The following FBXL2 variants were observed in gnomAD, a reference collection of about 807,000 sequenced individuals.
The protein encoded by FBXL2 is F-box and leucine rich repeat protein 2, also known as F-box/LRR-repeat protein 2.
A neutral mutation model predicts 69.2 loss-of-function variants in FBXL2; 38 were observed. That is an observed-to-expected ratio of 0.55 (90% CI 0.42 to 0.72). FBXL2 has a LOEUF of 0.72. Among genes scored for constraint, FBXL2 ranks in the 30% least tolerant of loss-of-function variants. FBXL2 has a pLI of 0.00. For synonymous variants in FBXL2, 192 were observed against 201.3 expected (o/e 0.95, Z 0.39); for missense variants, 354 against 520.3 (o/e 0.68, Z 3.11).
intron 14 of FBXL2, among the ~76,000 whole-genome samples, chr3:33,384,435 C>T (rs1454378552): frequency 1.3e-5 from 2 of 152,092 alleles, no homozygotes; most frequent in Non-Finnish European, 2.9e-5. Flanking sequence ...GTGGTGGGCA[C>T]CTGTAATCCC....
intron 13 of FBXL2, among the ~76,000 whole-genome samples, chr3:33,380,419 A>G (rs928701950): frequency 6.6e-5 from 10 of 151,164 alleles, no homozygotes; most frequent in Admixed American, 2.6e-4. Context: ...TTAGCCAGGC[A>G]TGGTGGCACA....
chr3:33,324,517 A>G (rs1049874536), intron 2 of FBXL2, among the ~76,000 whole-genome samples: 2 of 152,226 alleles, frequency 1.3e-5, no homozygotes, highest in African/African-American at 2.4e-5. Flanking sequence ...AGTTTTCTGC[A>G]TATGGCTAGC....
chr3:33,309,152 G>T (rs2036967483), intron 2 of FBXL2, among the ~76,000 whole-genome samples: 1 of 152,096 alleles, frequency 6.6e-6, no homozygotes, highest in South Asian at 2.1e-4. Flanking sequence ...TAGATAATGT[G>T]CCATTGCTGA....
Position 33,377,289 on chromosome 3 carries a change from C to T in FBXL2, c.805C>T (p.Arg269Ter), listed in dbSNP as rs2042703258. Reference sequence around the variant, plus strand: ...TCTCCTCAGAATTTTGGAGGCTGCCCGATGCTCCCATTTGACTGACGCAGG... The same window carrying T: ...TCTCCTCAGAATTTTGGAGGCTGCCTGATGCTCCCATTTGACTGACGCAGG... The part of the protein sequence containing the change: ...CPRLQILEAA[R>*]CSHLTDAGFT... The change falls in exon 11 of 15, where the codon CGA becomes TGA. Residue 269 changes from arginine (R) to a stop codon, truncating the protein, a stop_gained. Coordinates refer to ENST00000484457, the MANE Select transcript of FBXL2 (RefSeq NM_012157.5). LOFTEE classifies it high-confidence loss of function. 5 of 1,614,024 alleles carry T rather than the reference C, an allele frequency of 3.1e-6. No homozygotes were observed. Among genetic ancestry groups the T allele is most frequent in the Admixed American group, 3.3e-5 (2 of 59,994 alleles).
chr3:33,365,154 G>A (rs554317964), intron 5 of FBXL2, among the ~76,000 whole-genome samples: 86 of 151,918 alleles, frequency 5.7e-4, no homozygotes, highest in Admixed American at 1.2e-3. Context: ...AATTTCCTTG[G>A]CATAAGCTAG....
In FBXL2 at chr3:33,385,843, A is replaced by G. The variant is rs2043396030; in HGVS notation, c.*235A>G. 1 of 541,702 alleles carries G rather than the reference A, an allele frequency of 1.8e-6. No homozygotes were observed. The highest frequency in any genetic ancestry group is 3.3e-6 in the Non-Finnish European group (1 of 300,974). 33.6% of individuals were successfully genotyped at this position (541,702 alleles called of 1,614,324 possible). A position where few individuals can be genotyped will look rare whatever the true frequency, so the allele number is the denominator to read the frequency against. On this transcript the variant is annotated 3_prime_UTR_variant, in exon 15 of 15. Coordinates refer to ENST00000484457, the MANE Select transcript of FBXL2 (RefSeq NM_012157.5). The stretch of plus-strand genomic sequence containing the variant: ...AGTTAACACATGACAAGTGGTCTCA[A>G]TGCAGCTAGGACCATGCCAGAAACC...
chr3:33,327,805 C>G (rs2038819317), intron 2 of FBXL2, among the ~76,000 whole-genome samples: 1 of 152,038 alleles, frequency 6.6e-6, no homozygotes, highest in African/African-American at 2.4e-5. Context: ...TGCCTACTTT[C>G]ACCATTTATA....
intron 14 of FBXL2, among the ~76,000 whole-genome samples, 169 bp downstream of exon 14, chr3:33,384,370 G>C (rs767740849): frequency 6.6e-6 from 1 of 152,072 alleles, no homozygotes; most frequent in Non-Finnish European, 1.5e-5. Context: ...AGACCAGTCT[G>C]GTCAAAATGG....
At chr3:33,385,235 G>A (rs2043345338) in intron 14 of FBXL2, among the ~76,000 whole-genome samples, 1 of 152,128 alleles carries the variant, frequency 6.6e-6, no homozygotes. Context: ...CAGCTGTAGA[G>A]AACATTCACT....
At chr3:33,377,444 C>T (rs759847841) in intron 11 of FBXL2, 111 bp downstream of exon 11, 2 of 1,014,190 alleles carry the variant, frequency 2.0e-6, no homozygotes, top group Non-Finnish European at 3.1e-6. Flanking sequence ...AAGACAGGCA[C>T]AAAGTAGAGT....
downstream of FBXL2, chr3:33,391,460 T>G (rs1486901746): frequency 6.6e-6 from 1 of 152,250 alleles, no homozygotes; most frequent in Non-Finnish European, 1.5e-5. Context: ...GAGTCACTGC[T>G]GATATGCTGA....
chr3:33,302,946 G>T, intron 2 of FBXL2: 3 of 274,714 alleles, frequency 1.1e-5, no homozygotes, highest in South Asian at 7.3e-5. Flanking sequence ...AATCATTATG[G>T]TTTTTGTTGG....
intron 1 of FBXL2, among the ~76,000 whole-genome samples, chr3:33,294,036 A>G (rs1486824944): frequency 6.6e-6 from 1 of 152,210 alleles, no homozygotes; most frequent in East Asian, 1.9e-4. Context: ...TTGGATAACA[A>G]TGGAATGAAG....
chr3:33,324,195 G>A (rs376319369), intron 2 of FBXL2, among the ~76,000 whole-genome samples: 1 of 151,974 alleles, frequency 6.6e-6, no homozygotes, highest in South Asian at 2.1e-4. Context: ...GTAGATTCTG[G>A]ATATTAGCCC....
downstream of FBXL2, chr3:33,389,391 A>G (rs1375256901): frequency 6.8e-6 from 1 of 147,314 alleles, no homozygotes; most frequent in Non-Finnish European, 1.5e-5. Context: ...GCTATCAACA[A>G]TAATACTTTC....
At position 33,310,459 on chromosome 3, in the gene FBXL2, T is replaced by C. The variant is rs201086382; in HGVS notation, c.65+12734T>C. On this transcript the variant is annotated intron_variant, in intron 2 of 14. Coordinates refer to ENST00000484457, the MANE Select transcript of FBXL2 (RefSeq NM_012157.5). ...TGAGCCACCATGCCCTGCTTCTTAA[T>C]AGTTTTATATTTTAATCTTCATACT... Among the ~76,000 whole-genome samples, 17 of 152,170 alleles carry C rather than the reference T, an allele frequency of 1.1e-4. No homozygotes were observed. The East Asian group carries it at 2.9e-3, about 26-fold the overall frequency.
chr3:33,362,712 A>G (rs900333932), intron 4 of FBXL2, among the ~76,000 whole-genome samples: 4 of 152,184 alleles, frequency 2.6e-5, no homozygotes, highest in African/African-American at 9.7e-5. Context: ...AAGTATAATA[A>G]TAATAAAATT....
At chr3:33,389,231 A>G (rs181704086), downstream of FBXL2, 5 of 152,752 alleles carry the variant, frequency 3.3e-5, no homozygotes, top group African/African-American at 9.6e-5. Context: ...TCATCACCAG[A>G]ATGTCTATCC....
At chr3:33,364,392 T>C in intron 4 of FBXL2, 1 of 534,252 alleles carries the variant, frequency 1.9e-6, no homozygotes. Context: ...TTTGTGTTTG[T>C]TTTTGTTTGT....
Sources: allele counts gnomAD v4.1 joint callset (sites outside exome capture counted in the v4.1 genomes callset), GRCh38; gene constraint gnomAD v4.1.1; transcripts MANE v1.5; gene names NCBI Gene and HGNC (gene_info 2026-07-23, HGNC 2026-07-21).